The following GLB1 variants were observed in gnomAD, a reference collection of about 807,000 sequenced individuals.
The protein encoded by GLB1 is beta-galactosidase.
In GLB1, 56 loss-of-function variants were observed where a neutral mutation model predicts 74.0. The ratio of observed to expected loss-of-function variants is 0.76; its 90% CI spans 0.61 to 0.94. The LOEUF (loss-of-function observed/expected upper bound fraction) is 0.94. Among genes scored for constraint, GLB1 ranks in the 40% least tolerant of loss-of-function variants. GLB1 has a pLI of 0.00. For missense variants in GLB1, 787 were observed against 845.5 expected, an observed-to-expected ratio of 0.93 and a Z score of 0.86; for synonymous variants, 323 against 323.6, an observed-to-expected ratio of 1.00 and a Z score of 0.02.
At chr3:32,966,676 G>A in the GLB1 span, among the ~76,000 whole-genome samples, 2 of 152,180 alleles carry the variant, frequency 1.3e-5, no homozygotes, top group Non-Finnish European at 2.9e-5. Context: ...TGGTTTGGCT[G>A]TGTCCCCACC....
chr3:33,093,094 C>T lies in GLB1; in HGVS notation c.75+3917G>A. The T allele has an allele frequency of 1.2e-6, 2 of 1,614,214 alleles. No homozygotes were observed. The highest frequency in any genetic ancestry group is 1.7e-6 in the Non-Finnish European group (2 of 1,180,032). On this transcript the variant is annotated intron_variant, in intron 1 of 15. Transcript: ENST00000307363. This position sits in a 1 kb window ranked among gnomAD's most constrained non-coding sequence, Gnocchi z 6.0. ...CTCTTGGCAGCCAGGGGCTGGTGAG[C>T]TAGCAAGATGATTGTGTGGTCTGGG...
intron 10 of GLB1, among the ~76,000 whole-genome samples, chr3:33,031,906 TCCTGC>T (rs1698061062): frequency 6.6e-6 from 1 of 151,864 alleles, no homozygotes; most frequent in Admixed American, 6.6e-5. Context: ...CAAGCGATTC[TCCTGC>T]CTCAGCCACC....
chr3:33,086,846 C>A (rs1342049619), intron 1 of GLB1, among the ~76,000 whole-genome samples: 2 of 151,232 alleles, frequency 1.3e-5, no homozygotes, highest in Admixed American at 6.6e-5. Context: ...AAAATATAGA[C>A]CTATTTTTAG....
intron 15 of GLB1, among the ~76,000 whole-genome samples, chr3:33,010,956 G>C (rs901890492): frequency 3.9e-5 from 6 of 151,984 alleles, no homozygotes; most frequent in Non-Finnish European, 8.8e-5. Flanking sequence ...TTCCAGGTTC[G>C]AGAGATTCTC....
intron 1 of GLB1, chr3:33,090,966 G>A: frequency 1.0e-6 from 1 of 985,278 alleles, no homozygotes; most frequent in Non-Finnish European, 1.2e-6. Context: ...ATTTCATCAA[G>A]CCCAGGTCAC....
At chr3:32,964,659 T>C in the GLB1 span, among the ~76,000 whole-genome samples, 1 of 152,242 alleles carries the variant, frequency 6.6e-6, no homozygotes, top group South Asian at 2.1e-4. Context: ...AAGTTGAACA[T>C]GTACCTATTT....
the GLB1 span, among the ~76,000 whole-genome samples, chr3:32,981,469 C>T: frequency 1.3e-5 from 2 of 148,682 alleles, no homozygotes; most frequent in African/African-American, 4.9e-5. Context: ...TCTCTTTTTA[C>T]GTTGGATATT....
the GLB1 span, among the ~76,000 whole-genome samples, chr3:32,981,603 G>A: frequency 0.11 from 16,252 of 151,322 alleles, 1,106 homozygotes; most frequent in African/African-American, 0.2. Context: ...AGGAAACCTC[G>A]TTTCAACTAA....
chr3:33,083,192 G>C (rs1479912366), intron 1 of GLB1, among the ~76,000 whole-genome samples: 1 of 152,172 alleles, frequency 6.6e-6, no homozygotes, highest in Non-Finnish European at 1.5e-5. Flanking sequence ...GAGGTCAGGA[G>C]TTCGAGACCA....
In GLB1 at chr3:33,021,642, C is replaced by T. The variant is rs1483667862; in HGVS notation, c.1157G>A (p.Gly386Glu). Residue 386 changes from glycine (G) to glutamate (E), a missense_variant, in exon 12 of 16, where the codon GGA (glycine) becomes GAA (glutamate). Physicochemically the swap from Gly to Glu is moderately conservative, Grantham distance 98. Transcript: ENST00000307363. The part of the protein sequence containing the change: ...KVTLEKLKTV[G>E]AALDILCPSG... Reference sequence around the variant, plus strand: ...GGGACACAGAATGTCCAGAGCTGCTCCCACTGTCTTTAACTGAAAAGAAAC... The same window carrying T: ...GGGACACAGAATGTCCAGAGCTGCTTCCACTGTCTTTAACTGAAAAGAAAC... 10 of 1,613,792 alleles carry T rather than the reference C, an allele frequency of 6.2e-6. No individual in the cohort carries two copies. The highest frequency in any genetic ancestry group is 8.5e-6 in the Non-Finnish European group (10 of 1,179,952).
chr3:33,043,387 G>GA lies in GLB1; in HGVS notation c.1068+2732dup, dbSNP rs1698582898. On this transcript the variant is annotated intron_variant, in intron 10 of 15. Coordinates refer to ENST00000307363, the MANE Select transcript of GLB1 (RefSeq NM_000404.4). ...CTAAATTCACTGAGCTGTGTACTAC[G>GA]AGTTGTTCTTTTCTGGGGGTATAGA... Among the ~76,000 whole-genome samples, 3 of 152,116 alleles carry GA rather than the reference G, an allele frequency of 2.0e-5. No individual in the cohort carries two copies. The South Asian group carries it at 6.2e-4, about 31-fold the overall frequency.
chr3:32,968,761 C>T, the GLB1 span, among the ~76,000 whole-genome samples: 70 of 152,270 alleles, frequency 4.6e-4, no homozygotes, highest in Admixed American at 9.2e-4. Flanking sequence ...GCTTTAGGAC[C>T]GCCAGATCTA....
chr3:33,011,706 C>T (rs9852589), intron 15 of GLB1, among the ~76,000 whole-genome samples: 2,435 of 147,998 alleles, frequency 0.016, 68 homozygotes, highest in East Asian at 0.08. Flanking sequence ...AAATTTTAAA[C>T]AAGCAACACA....
At chr3:33,001,204 TTCC>T (rs1696552207) in intron 15 of GLB1, among the ~76,000 whole-genome samples, 1 of 148,656 alleles carries the variant, frequency 6.7e-6, no homozygotes, top group Non-Finnish European at 1.5e-5. Flanking sequence ...CTTCTCCTCC[TTCC>T]TGTCTTCTCT....
intron 4 of GLB1, among the ~76,000 whole-genome samples, chr3:33,067,785 T>C (rs1438075109): frequency 6.6e-6 from 1 of 152,232 alleles, no homozygotes; most frequent in Non-Finnish European, 1.5e-5. Flanking sequence ...TGGTCAGTGA[T>C]AAACACTCAG....
downstream of GLB1, among the ~76,000 whole-genome samples, chr3:32,996,387 T>C (rs928019004): frequency 6.6e-6 from 1 of 152,240 alleles, no homozygotes; most frequent in Non-Finnish European, 1.5e-5. Context: ...AATCTGTTTT[T>C]TCATGTATCA....
Position 33,014,040 on chromosome 3 carries a change from C to T in GLB1, c.1734+16G>A, listed in dbSNP as rs2125462934. 6.2e-7 allele frequency: 1 copy of T among 1,614,204 alleles called. No homozygotes were observed. The highest frequency in any genetic ancestry group is 8.5e-7 in the Non-Finnish European group (1 of 1,180,046). On this transcript the variant is annotated intron_variant, in intron 15 of 15. Coordinates refer to ENST00000307363, the MANE Select transcript of GLB1 (RefSeq NM_000404.4). ...GTTTAGGCCTGAATTCAAACCCTTC[C>T]CATGAAGACACGTACCTTGGTCCAT...
At chr3:33,058,348 T>C (rs1699307441) in intron 5 of GLB1, 79 bp from the exon 6 acceptor site, 1 of 1,584,454 alleles carries the variant, frequency 6.3e-7, no homozygotes, top group African/African-American at 1.3e-5. Context: ...TGTGGGAAAA[T>C]ATCTGAGCAT....
chr3:33,053,304 G>C lies in GLB1; in HGVS notation c.792+187C>G, dbSNP rs7610177. 7.7e-3 allele frequency among the ~76,000 whole-genome samples: 1,165 copies of C among 152,262 alleles called. 15 individuals carry two copies. Among genetic ancestry groups the C allele is most frequent in the African/African-American group, 0.025 (1,055 of 41,530 alleles). Reference sequence around the variant, plus strand: ...CCCAGTCTGTTCCACCCCAGTGCAGGAGCTCAATTTCAAATAGAAACATTG... The same window carrying C: ...CCCAGTCTGTTCCACCCCAGTGCAGCAGCTCAATTTCAAATAGAAACATTG... On this transcript the variant is annotated intron_variant, in intron 7 of 15. Coordinates refer to ENST00000307363, the MANE Select transcript of GLB1 (RefSeq NM_000404.4).
Sources: gnomAD v4.1 joint callset for allele counts (sites outside exome capture counted in the v4.1 genomes callset) on GRCh38, gnomAD v4.1.1 for gene constraint, Gnocchi (gnomAD v3.1) non-coding constraint, MANE v1.5 for transcripts, NCBI Gene and HGNC (gene_info 2026-07-23, HGNC 2026-07-21) for gene names.